DSCAM: variants seen among roughly 807,000 people sequenced by gnomAD.
DSCAM encodes the protein cell adhesion molecule DSCAM.
A neutral mutation model predicts 217.7 loss-of-function variants in DSCAM; 47 were observed. The ratio of observed to expected loss-of-function variants is 0.22; its 90% CI spans 0.17 to 0.28. The LOEUF is 0.28. DSCAM is among the 10% of genes least tolerant of loss of function. DSCAM has a pLI of 1.00. For synonymous variants in DSCAM, 1,056 were observed against 1,015.3 expected (o/e 1.04, Z -0.76); for missense variants, 2,080 against 2,618.3 (o/e 0.79, Z 4.49).
At chr21:40,252,216 T>A (rs180814521) in intron 11 of DSCAM, among the ~76,000 whole-genome samples, 65 of 152,298 alleles carry the variant, frequency 4.3e-4, no homozygotes, top group African/African-American at 1.3e-3. Context: ...AAATCTGTGA[T>A]AATTAGTTAC....
At chr21:40,283,985 A>G (rs1190212318) in intron 10 of DSCAM, among the ~76,000 whole-genome samples, 1 of 149,732 alleles carries the variant, frequency 6.7e-6, no homozygotes, top group Admixed American at 6.6e-5. Flanking sequence ...CAAGGAATCA[A>G]ACACAATCCC....
intron 27 of DSCAM, among the ~76,000 whole-genome samples, chr21:40,073,814 T>C (rs1568926461): frequency 6.6e-6 from 1 of 152,226 alleles, no homozygotes; most frequent in Non-Finnish European, 1.5e-5. Flanking sequence ...TTCACTCAAG[T>C]AATGTCTGCA....
At chr21:40,611,243 G>C (rs1302149728) in intron 3 of DSCAM, among the ~76,000 whole-genome samples, 1 of 151,850 alleles carries the variant, frequency 6.6e-6, no homozygotes, top group African/African-American at 2.4e-5. Flanking sequence ...AATTTTAGTA[G>C]AGACTGGGTT....
At position 40,708,486 on chromosome 21, in the gene DSCAM, T is replaced by A; in HGVS notation, c.329A>T (p.Lys110Ile). 1 of 1,510,070 alleles carries A rather than the reference T, an allele frequency of 6.6e-7. No individual in the cohort carries two copies. The highest frequency in any genetic ancestry group is 8.9e-7 in the Non-Finnish European group (1 of 1,124,884). 93.5% of individuals were successfully genotyped at this position (1,510,070 alleles called of 1,614,324 possible). ...YYCTAENPSG[K>I]IRSQDVHIKA... ...GATGTGGACATCCTGACTTCTAATTTTCCCTGAAGGATTTTCAGCTGTGCA... is the reference window on the plus strand; with the variant it reads ...GATGTGGACATCCTGACTTCTAATTATCCCTGAAGGATTTTCAGCTGTGCA... The change falls in exon 2 of 33, where the codon AAA (lysine) becomes ATA (isoleucine). Residue 110 changes from lysine to isoleucine, a missense_variant. Around this residue, in one of 5 missense-constraint regions of DSCAM, gnomAD observed 568 missense variants for 678.1 expected, o/e 0.84. Coordinates refer to ENST00000400454, the MANE Select transcript of DSCAM (RefSeq NM_001389.5).
chr21:40,797,127 T>C (rs2091698315), intron 1 of DSCAM, among the ~76,000 whole-genome samples: 1 of 152,220 alleles, frequency 6.6e-6, no homozygotes, highest in South Asian at 2.1e-4. Context: ...CATTAAGGAC[T>C]GTATGCTTGT....
chr21:40,176,232 C>T (rs2146795355), intron 15 of DSCAM, among the ~76,000 whole-genome samples: 1 of 152,198 alleles, frequency 6.6e-6, no homozygotes, highest in East Asian at 1.9e-4. Flanking sequence ...GGAAGAAGCA[C>T]AACAATAGGG....
At chr21:40,218,183 AGGG>A in intron 11 of DSCAM, among the ~76,000 whole-genome samples, 1 of 152,284 alleles carries the variant, frequency 6.6e-6, no homozygotes, top group African/African-American at 2.4e-5. Context: ...GTTGTAAGAA[AGGG>A]GTCCAGCTTC....
chr21:40,506,647 A>G (rs954970921), intron 3 of DSCAM, among the ~76,000 whole-genome samples: 1 of 152,216 alleles, frequency 6.6e-6, no homozygotes, highest in Non-Finnish European at 1.5e-5. Flanking sequence ...GATGAGGACT[A>G]TGTGTCAAGA....
intron 11 of DSCAM, among the ~76,000 whole-genome samples, chr21:40,218,689 G>T (rs2410224): frequency 6.6e-6 from 1 of 151,500 alleles, no homozygotes; most frequent in African/African-American, 2.4e-5. Flanking sequence ...TGTAATTCTT[G>T]TTGTAGAGAT....
rs544137183 is a variant in DSCAM at position 40,315,134 on chromosome 21, C to T, written c.1784-2775G>A. Among the ~76,000 whole-genome samples the T allele has an allele frequency of 7.2e-5, 11 of 152,224 alleles. No individual in the cohort carries two copies. The South Asian group carries it at 1.9e-3, about 26-fold the overall frequency. On this transcript the variant is annotated intron_variant, in intron 8 of 32. Coordinates refer to ENST00000400454, the MANE Select transcript of DSCAM (RefSeq NM_001389.5). ...AATAAGAAGGCCGGGTGTGGTGGCT[C>T]ACGCCTGTAATCCCAACACTTTGGG... is the stretch of plus-strand genomic sequence containing the variant.
intron 3 of DSCAM, among the ~76,000 whole-genome samples, chr21:40,502,913 T>A (rs1403613750): frequency 1.6e-5 from 2 of 126,398 alleles, no homozygotes; most frequent in Non-Finnish European, 3.6e-5. Context: ...TTATGTATAA[T>A]TTTTTTTATT....
At chr21:40,257,307 C>G (rs2073385578) in intron 11 of DSCAM, among the ~76,000 whole-genome samples, 1 of 152,160 alleles carries the variant, frequency 6.6e-6, no homozygotes, top group African/African-American at 2.4e-5. Flanking sequence ...TAATAAAATA[C>G]AAGTGCTATC....
chr21:40,265,742 G>A (rs375729141), intron 11 of DSCAM, among the ~76,000 whole-genome samples: 4 of 152,042 alleles, frequency 2.6e-5, no homozygotes, highest in East Asian at 3.8e-4. Context: ...TAATGGATTA[G>A]ACACACAATT....
chr21:40,166,655 T>C (rs2090597900), intron 16 of DSCAM, among the ~76,000 whole-genome samples: 1 of 152,244 alleles, frequency 6.6e-6, no homozygotes, highest in Non-Finnish European at 1.5e-5. Context: ...TCCCAGCTAC[T>C]TCCAACAAAC....
In DSCAM at chr21:40,554,602, T is replaced by TTA. The variant is rs2076656526; in HGVS notation, c.508+138206_508+138207dup. On this transcript the variant is annotated intron_variant, in intron 3 of 32. Coordinates refer to ENST00000400454, the MANE Select transcript of DSCAM (RefSeq NM_001389.5). ...GTAACAAATCTCAGAAAAGTATATA[T>TTA]TACAGAGACGGTTATCCACTCACAT... Among the ~76,000 whole-genome samples the TTA allele has an allele frequency of 2.0e-5, 3 of 152,190 alleles. No individual in the cohort carries two copies. In the South Asian group the frequency reaches 6.2e-4, roughly 31 times the overall value.
Position 40,342,413 on chromosome 21 carries a change from G to A in DSCAM, c.1211-2998C>T, listed in dbSNP as rs145694061. Among the ~76,000 whole-genome samples, 799 of 151,512 alleles carry A rather than the reference G, an allele frequency of 5.3e-3. 7 individuals carry two copies. Among genetic ancestry groups the A allele is most frequent in the African/African-American group, 0.018 (755 of 41,316 alleles). On this transcript the variant is annotated intron_variant, in intron 6 of 32. Transcript: ENST00000400454. ...TGTCCTAAGAAATCGTCACCTATTCGCAAATCATGAAGAATTATTCTGTTT... is the reference window on the plus strand; with the variant it reads ...TGTCCTAAGAAATCGTCACCTATTCACAAATCATGAAGAATTATTCTGTTT...
intron 3 of DSCAM, among the ~76,000 whole-genome samples, chr21:40,534,074 G>A (rs1336054763): frequency 6.6e-6 from 1 of 152,130 alleles, no homozygotes; most frequent in Non-Finnish European, 1.5e-5. Flanking sequence ...GAAGGTAAAA[G>A]CTAAATACCA....
intron 3 of DSCAM, among the ~76,000 whole-genome samples, chr21:40,417,561 T>C (rs77754059): frequency 6.6e-6 from 1 of 151,362 alleles, no homozygotes; most frequent in Non-Finnish European, 1.5e-5. Flanking sequence ...TGAAGAAAAA[T>C]AGATATACAG....
chr21:40,710,402 A>G (rs768600008), intron 1 of DSCAM, among the ~76,000 whole-genome samples: 6 of 152,224 alleles, frequency 3.9e-5, no homozygotes, highest in Non-Finnish European at 7.3e-5. Context: ...TGCCTTATCT[A>G]TATAATTATA....
Sources: gnomAD v4.1 joint callset for allele counts (sites outside exome capture counted in the v4.1 genomes callset) on GRCh38, gnomAD v4.1.1 for gene constraint, gnomAD v4.1.1 regional missense constraint, MANE v1.5 for transcripts, NCBI Gene and HGNC (gene_info 2026-07-23, HGNC 2026-07-21) for gene names.